MINDY3: variants seen among roughly 807,000 people sequenced by gnomAD.
MINDY3 encodes the protein ubiquitin carboxyl-terminal hydrolase MINDY-3.
In MINDY3, 38 loss-of-function variants were observed where a neutral mutation model predicts 69.2. The observed-to-expected ratio is 0.55, with a 90% CI of 0.42 to 0.72. The LOEUF is 0.72. MINDY3 is among the 30% of genes least tolerant of loss of function. The pLI, the probability that MINDY3 is intolerant of heterozygous loss-of-function variation, is 0.00. For synonymous variants in MINDY3, 192 were observed against 180.1 expected, an observed-to-expected ratio of 1.07 and a Z score of -0.53; for missense variants, 522 against 519.0, an observed-to-expected ratio of 1.01 and a Z score of -0.06.
intron 10 of MINDY3, among the ~76,000 whole-genome samples, chr10:15,799,433 A>G (rs903547507): frequency 4.6e-5 from 7 of 151,986 alleles, no homozygotes; most frequent in African/African-American, 1.4e-4. Flanking sequence ...TCCTGACCTC[A>G]TGATCCACCC....
At chr10:15,781,981 C>G (rs1479007060) in intron 14 of MINDY3, among the ~76,000 whole-genome samples, 174 bp downstream of exon 14, 2 of 152,084 alleles carry the variant, frequency 1.3e-5, no homozygotes, top group Non-Finnish European at 2.9e-5. Context: ...CCAATGCAGA[C>G]TAACATATAC....
At chr10:15,820,111 T>C (rs1208882190) in intron 9 of MINDY3, among the ~76,000 whole-genome samples, 1 of 152,202 alleles carries the variant, frequency 6.6e-6, no homozygotes, top group Non-Finnish European at 1.5e-5. Context: ...AAAAGTGTCA[T>C]TAATTATTCC....
At chr10:15,845,746 A>G (rs1335495010) in intron 2 of MINDY3, among the ~76,000 whole-genome samples, 1 of 148,320 alleles carries the variant, frequency 6.7e-6, no homozygotes, top group African/African-American at 2.5e-5. Flanking sequence ...GCCTTAGGCA[A>G]TCCTCTTCCC....
intron 14 of MINDY3, among the ~76,000 whole-genome samples, chr10:15,780,226 T>C (rs1287003104): frequency 6.6e-6 from 1 of 152,190 alleles, no homozygotes; most frequent in Non-Finnish European, 1.5e-5. Flanking sequence ...ATAGAATATA[T>C]TACTAGATCA....
intron 2 of MINDY3, among the ~76,000 whole-genome samples, chr10:15,843,527 A>G (rs1833625894): frequency 1.3e-5 from 2 of 152,220 alleles, no homozygotes; most frequent in South Asian, 4.1e-4. Flanking sequence ...TGACAAGTAG[A>G]AGAACTAACT....
intron 8 of MINDY3, among the ~76,000 whole-genome samples, 163 bp downstream of exon 8, chr10:15,833,466 TG>T (rs975800890): frequency 2.0e-5 from 3 of 152,202 alleles, no homozygotes; most frequent in Non-Finnish European, 4.4e-5. Context: ...CCAAGATTAA[TG>T]GTCTTAACAT....
At chr10:15,816,260 C>CAAAAAAAAAAAAAAAAAAAATAAA (rs1839354785) in intron 10 of MINDY3, among the ~76,000 whole-genome samples, 1 of 26,822 alleles carries the variant, frequency 3.7e-5, no homozygotes. Flanking sequence ...GACTCCATCT[C>CAAAAAAAAAAAAAAAAAAAATAAA]AAAAAAAAAA....
chr10:15,821,146 C>T (rs1473946311), intron 9 of MINDY3, among the ~76,000 whole-genome samples: 1 of 151,990 alleles, frequency 6.6e-6, no homozygotes, highest in Admixed American at 6.6e-5. Flanking sequence ...AGTTCCTAAC[C>T]CTAGTGCATG....
At chr10:15,847,988 T>A in intron 1 of MINDY3, 45 bp from the exon 2 acceptor site, 2 of 1,463,118 alleles carry the variant, frequency 1.4e-6, no homozygotes, top group Non-Finnish European at 1.9e-6. Flanking sequence ...ATAATTCAAG[T>A]AGCAGCTAAA....
chr10:15,782,997 A>T (rs948335806), intron 13 of MINDY3, among the ~76,000 whole-genome samples: 2 of 152,188 alleles, frequency 1.3e-5, no homozygotes, highest in Non-Finnish European at 2.9e-5. Context: ...GTCTGCCTGG[A>T]TAGATCCCCC....
chr10:15,808,646 T>TA (rs1484947140), intron 10 of MINDY3, among the ~76,000 whole-genome samples: 1 of 152,180 alleles, frequency 6.6e-6, no homozygotes, highest in Non-Finnish European at 1.5e-5. Flanking sequence ...TCCTTAGCAT[T>TA]AAATTCAGTT....
intron 11 of MINDY3, among the ~76,000 whole-genome samples, chr10:15,790,437 AC>A (rs1837322258): frequency 6.6e-6 from 1 of 152,100 alleles, no homozygotes; most frequent in African/African-American, 2.4e-5. Context: ...AATTTGAGGT[AC>A]TGAGAATAAA....
At chr10:15,808,749 C>T (rs976115170) in intron 10 of MINDY3, among the ~76,000 whole-genome samples, 3 of 151,992 alleles carry the variant, frequency 2.0e-5, no homozygotes, top group South Asian at 2.1e-4. Flanking sequence ...GGTGAGGTTC[C>T]GCACACACAT....
intron 1 of MINDY3, 125 bp from the exon 2 acceptor site, chr10:15,848,068 G>T: frequency 1.3e-6 from 1 of 746,618 alleles, no homozygotes; most frequent in Non-Finnish European, 2.3e-6. Flanking sequence ...CAAATCATGA[G>T]GTGTGGATCA....
At chr10:15,831,237 T>G (rs1009588447) in intron 8 of MINDY3, among the ~76,000 whole-genome samples, 2 of 152,178 alleles carry the variant, frequency 1.3e-5, no homozygotes, top group Non-Finnish European at 2.9e-5. Context: ...GTAGGATTAA[T>G]TTAGAGTACG....
intron 4 of MINDY3, among the ~76,000 whole-genome samples, chr10:15,841,043 T>C (rs1297908699): frequency 6.6e-6 from 1 of 151,518 alleles, no homozygotes; most frequent in East Asian, 1.9e-4. Context: ...CAAGTAAAGA[T>C]AACTTTATGA....
At chr10:15,838,396 T>A in intron 4 of MINDY3, 117 bp from the exon 5 acceptor site, 1 of 759,336 alleles carries the variant, frequency 1.3e-6, no homozygotes, top group Non-Finnish European at 1.9e-6. Flanking sequence ...CTTACTCCCT[T>A]AAAATTCTCA....
At chr10:15,854,803 G>T (rs1326109174) in intron 1 of MINDY3, among the ~76,000 whole-genome samples, 3 of 151,994 alleles carry the variant, frequency 2.0e-5, no homozygotes, top group Non-Finnish European at 4.4e-5. Flanking sequence ...GACAAATGGA[G>T]AACTGGAATA....
At chr10:15,826,982 T>C (rs1473171483) in intron 8 of MINDY3, among the ~76,000 whole-genome samples, 1 of 151,890 alleles carries the variant, frequency 6.6e-6, no homozygotes, top group African/African-American at 2.4e-5. Flanking sequence ...GAGCCGGGCA[T>C]GATGGTGCAC....
Sources: gnomAD v4.1 joint callset for allele counts (sites outside exome capture counted in the v4.1 genomes callset) on GRCh38, gnomAD v4.1.1 for gene constraint, MANE v1.5 for transcripts, NCBI Gene and HGNC (gene_info 2026-07-23, HGNC 2026-07-21) for gene names.